BTAF1: variants seen among roughly 807,000 people sequenced by gnomAD.
The protein encoded by BTAF1 is TATA-binding protein-associated factor 172.
Under a neutral mutation model 227.1 loss-of-function variants are expected in BTAF1, and 38 were observed. The observed-to-expected ratio is 0.17, with a 90% CI of 0.13 to 0.22. BTAF1 has a LOEUF of 0.22. BTAF1 is among the 10% of genes least tolerant of loss of function. BTAF1 has a pLI of 1.00. For missense variants in BTAF1, 1,598 were observed against 2,204.0 expected, an observed-to-expected ratio of 0.73 and a Z score of 5.51; for synonymous variants, 742 against 751.9, an observed-to-expected ratio of 0.99 and a Z score of 0.21.
intron 4 of BTAF1, among the ~76,000 whole-genome samples, chr10:91,947,596 AATT>A (rs1468131775): frequency 2.0e-5 from 3 of 152,060 alleles, no homozygotes; most frequent in Non-Finnish European, 4.4e-5. Context: ...ACATTGTCTA[AATT>A]ATTGTTGCAT....
intron 4 of BTAF1, among the ~76,000 whole-genome samples, chr10:91,951,125 C>A (rs1462925534): frequency 2.0e-5 from 3 of 152,016 alleles, no homozygotes; most frequent in Non-Finnish European, 4.4e-5. Context: ...TGCACCTGGC[C>A]CAGGAATGAA....
chr10:91,996,108 C>T (rs865954490), intron 23 of BTAF1, among the ~76,000 whole-genome samples: 1 of 152,144 alleles, frequency 6.6e-6, no homozygotes, highest in Non-Finnish European at 1.5e-5. Flanking sequence ...TTGAGTGTTC[C>T]TATATGCCTA....
At chr10:91,957,024 C>G (rs1242146391) in intron 7 of BTAF1, among the ~76,000 whole-genome samples, 1 of 151,908 alleles carries the variant, frequency 6.6e-6, no homozygotes, top group Non-Finnish European at 1.5e-5. Flanking sequence ...CTTTTTCAAA[C>G]TAATATATCA....
intron 25 of BTAF1, among the ~76,000 whole-genome samples, chr10:92,004,853 A>AT (rs1246594912): frequency 1.3e-5 from 2 of 151,724 alleles, no homozygotes; most frequent in Admixed American, 6.6e-5. Flanking sequence ...CTTTTTTCTT[A>AT]TTTTTTTCCA....
chr10:92,015,074 G>A, intron 32 of BTAF1, among the ~76,000 whole-genome samples: 1 of 152,182 alleles, frequency 6.6e-6, no homozygotes, highest in East Asian at 1.9e-4. Flanking sequence ...ACCTTGGTCA[G>A]TGGGACCTCA....
At chr10:92,002,831 T>G (rs767839995) in intron 25 of BTAF1, among the ~76,000 whole-genome samples, 2 of 152,152 alleles carry the variant, frequency 1.3e-5, no homozygotes, top group Non-Finnish European at 2.9e-5. Flanking sequence ...AATTTTTTGG[T>G]CTCATTACTT....
chr10:92,007,510 A>G (rs1259322764), intron 25 of BTAF1, among the ~76,000 whole-genome samples: 1 of 152,098 alleles, frequency 6.6e-6, no homozygotes, highest in African/African-American at 2.4e-5. Context: ...GGTGCGAGCC[A>G]CCATGCCTCG....
At chr10:91,996,872 A>G (rs1849176152) in intron 24 of BTAF1, among the ~76,000 whole-genome samples, 1 of 152,184 alleles carries the variant, frequency 6.6e-6, no homozygotes, top group African/African-American at 2.4e-5. Context: ...ATGTCTAGTA[A>G]GTGATTTATT....
At chr10:91,966,558 C>T in intron 13 of BTAF1, 79 bp from the exon 14 acceptor site, 2 of 1,454,188 alleles carry the variant, frequency 1.4e-6, no homozygotes, top group Non-Finnish European at 1.9e-6. Flanking sequence ...ATCACTAGAT[C>T]CCATGAGAAT....
intron 33 of BTAF1, among the ~76,000 whole-genome samples, chr10:92,016,913 A>C (rs1410559924): frequency 6.6e-6 from 1 of 152,224 alleles, no homozygotes; most frequent in Non-Finnish European, 1.5e-5. Flanking sequence ...TATTTAATAT[A>C]TCTTAATAAG....
intron 30 of BTAF1, 70 bp from the exon 31 acceptor site, chr10:92,013,597 A>G: frequency 6.3e-7 from 1 of 1,583,842 alleles, no homozygotes; most frequent in Admixed American, 1.7e-5. Context: ...ATGGGCTTTC[A>G]TTAATGTTAC....
At chr10:91,956,778 C>G (rs1846120431) in intron 7 of BTAF1, 121 bp downstream of exon 7, 1 of 1,087,646 alleles carries the variant, frequency 9.2e-7, no homozygotes, top group South Asian at 1.6e-5. Context: ...ATCACGAGGT[C>G]AGGAGCTTGA....
chr10:92,011,886 T>C (rs1465306354), intron 30 of BTAF1, among the ~76,000 whole-genome samples: 1 of 152,058 alleles, frequency 6.6e-6, no homozygotes, highest in Non-Finnish European at 1.5e-5. Flanking sequence ...TTAGATACTT[T>C]TGAGAAATTA....
intron 9 of BTAF1, among the ~76,000 whole-genome samples, chr10:91,959,539 A>G (rs1320444122): frequency 6.6e-6 from 1 of 151,932 alleles, no homozygotes; most frequent in Non-Finnish European, 1.5e-5. Context: ...TAATGATCAA[A>G]GGGGATATGA....
intron 23 of BTAF1, among the ~76,000 whole-genome samples, chr10:91,995,231 C>A (rs1039599088): frequency 6.6e-6 from 1 of 151,906 alleles, no homozygotes; most frequent in African/African-American, 2.4e-5. Context: ...GCAATTTACC[C>A]CATTTTGAAG....
intron 18 of BTAF1, 131 bp downstream of exon 18, chr10:91,982,892 A>G: frequency 1.0e-6 from 1 of 965,598 alleles, no homozygotes; most frequent in Non-Finnish European, 1.5e-6. Flanking sequence ...AAAAGTGTCC[A>G]AATTATATTG....
intron 14 of BTAF1, among the ~76,000 whole-genome samples, chr10:91,978,827 T>G (rs1847878705): frequency 6.6e-6 from 1 of 150,472 alleles, no homozygotes; most frequent in African/African-American, 2.4e-5. Flanking sequence ...TTTTTTTTTT[T>G]TTTTTTTTTC....
In BTAF1 at chr10:92,031,026, A is replaced by G. The variant is rs1287551293; in HGVS notation, c.*2093A>G. On this transcript the variant is annotated 3_prime_UTR_variant, in exon 38 of 38. Transcript: ENST00000265990. ...GATGTGATGATTTGGTAGTTTTTTC[A>G]ATGTATGGGTGTGGGAAGTCAAACA... 6.6e-6 allele frequency among the ~76,000 whole-genome samples: 1 copy of G among 152,136 alleles called. No individual in the cohort carries two copies. The highest frequency in any genetic ancestry group is 1.5e-5 in the Non-Finnish European group (1 of 68,018).
chr10:91,980,745 A>T (rs1034538864), intron 15 of BTAF1, among the ~76,000 whole-genome samples, 187 bp downstream of exon 15: 5 of 152,182 alleles, frequency 3.3e-5, no homozygotes, highest in East Asian at 3.8e-4. Flanking sequence ...TTGATTGGCC[A>T]TGCTTCTTCC....
Sources: allele counts gnomAD v4.1 joint callset (sites outside exome capture counted in the v4.1 genomes callset), GRCh38; gene constraint gnomAD v4.1.1; transcripts MANE v1.5; gene names NCBI Gene and HGNC (gene_info 2026-07-23, HGNC 2026-07-21).